Variants in PIAS1 observed in about 807,000 individuals in gnomAD.
The protein encoded by PIAS1 is protein inhibitor of activated STAT 1.
In PIAS1, 6 loss-of-function variants were observed where a neutral mutation model predicts 71.3. The observed-to-expected ratio is 0.08, with a 90% CI of 0.05 to 0.17. The LOEUF (loss-of-function observed/expected upper bound fraction) is 0.17, where lower values mean the gene tolerates loss of function less well. Ranked by LOEUF, PIAS1 falls within the 10% of genes least tolerant of loss-of-function variation. The pLI, the probability that PIAS1 is intolerant of heterozygous loss-of-function variation, is 1.00. For missense variants in PIAS1, 555 were observed against 793.6 expected, an observed-to-expected ratio of 0.70 and a Z score of 3.61; for synonymous variants, 303 against 292.9, an observed-to-expected ratio of 1.03 and a Z score of -0.35.
At chr15:68,168,942 T>C (rs2092973632) in intron 8 of PIAS1, among the ~76,000 whole-genome samples, 2 of 152,190 alleles carry the variant, frequency 1.3e-5, no homozygotes, top group South Asian at 4.1e-4. Flanking sequence ...GGTAAAGGTA[T>C]GTGAGATGAA....
chr15:68,092,600 A>T (rs764666372), intron 2 of PIAS1, among the ~76,000 whole-genome samples: 3 of 152,166 alleles, frequency 2.0e-5, no homozygotes, highest in Non-Finnish European at 4.4e-5. Context: ...CTAATTCCCA[A>T]TGCAATAGTG....
At chr15:68,085,145 C>G (rs1277927951) in intron 1 of PIAS1, among the ~76,000 whole-genome samples, 1 of 152,092 alleles carries the variant, frequency 6.6e-6, no homozygotes, top group Non-Finnish European at 1.5e-5. Context: ...ATAAGCATAG[C>G]TTTTGTGTAT....
intron 6 of PIAS1, among the ~76,000 whole-genome samples, chr15:68,151,632 C>T (rs1188321825): frequency 6.6e-6 from 1 of 150,692 alleles, no homozygotes; most frequent in Non-Finnish European, 1.5e-5. Flanking sequence ...CCAGCCTAGC[C>T]AACATGGTGA....
intron 1 of PIAS1, among the ~76,000 whole-genome samples, chr15:68,060,567 C>A (rs577205712): frequency 2.6e-5 from 4 of 151,880 alleles, no homozygotes; most frequent in Admixed American, 2.0e-4. Flanking sequence ...GAGCTGAGAC[C>A]GTGCCACTGT....
Position 68,054,437 on chromosome 15 carries a change from G to A in PIAS1, c.24+87G>A, listed in dbSNP as rs1476723525. The A allele has an allele frequency of 3.6e-6, 5 of 1,384,948 alleles. No homozygotes were observed. The East Asian group carries it at 1.3e-4, about 35-fold the overall frequency. 85.8% of individuals were successfully genotyped at this position (1,384,948 alleles called of 1,614,324 possible). A position where few individuals can be genotyped will look rare whatever the true frequency, so the allele number is the denominator to read the frequency against. On this transcript the variant is annotated intron_variant, in intron 1 of 13. Transcript: ENST00000249636. This position sits in a 1 kb window ranked among gnomAD's most constrained non-coding sequence, Gnocchi z 4.6. ...GGGGGGATGGGTCCGACCCTGGGGG[G>A]CCTCTCGGGCCTGACTCCACCCGGG...
rs185533656 is a variant in PIAS1, at chr15:68,108,890, A to G, written c.469+22140A>G. Among the ~76,000 whole-genome samples the G allele has an allele frequency of 3.3e-5, 5 of 152,230 alleles. No homozygotes were observed. The East Asian group carries it at 9.6e-4, about 29-fold the overall frequency. On this transcript the variant is annotated intron_variant, in intron 2 of 13. Transcript: ENST00000249636. ...TGCTACTATGCTTATCTGAGCCACC[A>G]TTATCTCTCACCTGGATTATTATGT...
At chr15:68,059,812 C>T (rs1421045954) in intron 1 of PIAS1, among the ~76,000 whole-genome samples, 2 of 151,940 alleles carry the variant, frequency 1.3e-5, no homozygotes, top group African/African-American at 4.8e-5. Flanking sequence ...AATTCCTGGC[C>T]TCAAACAGTG....
intron 2 of PIAS1, among the ~76,000 whole-genome samples, chr15:68,113,211 A>G (rs1256377506): frequency 2.0e-5 from 3 of 152,302 alleles, no homozygotes; most frequent in Admixed American, 6.5e-5. Context: ...GTGCACATAC[A>G]TAGGTACATA....
At chr15:68,089,081 C>A (rs561508020) in intron 2 of PIAS1, among the ~76,000 whole-genome samples, 36 of 152,212 alleles carry the variant, frequency 2.4e-4, no homozygotes, top group Non-Finnish European at 4.0e-4. Flanking sequence ...TCCATTGTGG[C>A]CTTAAGCACT....
rs1466429444 is a variant in PIAS1 at position 68,086,437 on chromosome 15, T to C, written c.156T>C (p.Ala52=). ...LHLLKAGCSP[A]VQMKIKELYR... ...TGCTAAAGGCTGGCTGTAGTCCTGC[T>C]GTGCAAATGAAAATTAAGGAACTCT... The change falls in exon 2 of 14, where the codon GCT becomes GCC. Residue 52 remains alanine, a synonymous_variant. Coordinates refer to ENST00000249636, the MANE Select transcript of PIAS1 (RefSeq NM_016166.3). The surrounding 1 kb of genome is among the most constrained non-coding windows in gnomAD (Gnocchi z 7.2). 1 of 1,613,982 alleles carries C rather than the reference T, an allele frequency of 6.2e-7. No homozygotes were observed. The highest frequency in any genetic ancestry group is 8.5e-7 in the Non-Finnish European group (1 of 1,179,878).
chr15:68,150,984 CAG>C (rs1253363579), intron 6 of PIAS1, among the ~76,000 whole-genome samples: 1 of 151,950 alleles, frequency 6.6e-6, no homozygotes, highest in Admixed American at 6.6e-5. Context: ...ATTTCAATTA[CAG>C]AGAAATTATC....
chr15:68,145,568 A>T (rs2092802461), intron 4 of PIAS1, among the ~76,000 whole-genome samples: 1 of 152,204 alleles, frequency 6.6e-6, no homozygotes. Flanking sequence ...ATGCTTAACC[A>T]AATAATTGGC....
chr15:68,119,935 CT>C (rs2092599517), intron 2 of PIAS1, among the ~76,000 whole-genome samples: 1 of 152,158 alleles, frequency 6.6e-6, no homozygotes, highest in Non-Finnish European at 1.5e-5. Context: ...CTGAAATCTA[CT>C]TTCTCTGACA....
intron 2 of PIAS1, among the ~76,000 whole-genome samples, chr15:68,121,241 T>C (rs1036282829): frequency 6.7e-6 from 1 of 150,256 alleles, no homozygotes; most frequent in Non-Finnish European, 1.5e-5. Context: ...GAGTAAAGTG[T>C]TAACAGTTGA....
intron 2 of PIAS1, among the ~76,000 whole-genome samples, chr15:68,138,897 G>A (rs1245864646): frequency 6.6e-6 from 1 of 152,054 alleles, no homozygotes; most frequent in African/African-American, 2.4e-5. Flanking sequence ...GAAAGGGAGG[G>A]GCATATTAAG....
chr15:68,191,214 A>G lies in PIAS1; in HGVS notation c.*3379A>G, dbSNP rs551946248. 1 of 152,660 alleles carries G rather than the reference A, an allele frequency of 6.6e-6. No individual in the cohort carries two copies. Among genetic ancestry groups the G allele is most frequent in the African/African-American group, 2.4e-5 (1 of 41,472 alleles). 9.5% of individuals were successfully genotyped at this position (152,660 alleles called of 1,614,324 possible). On this transcript the variant is annotated 3_prime_UTR_variant, in exon 14 of 14. Transcript: ENST00000249636. ...AAGGGGAAAATGTACATAAACAGATAAAGTTACCATAAATTCCATGAACTT... is the reference window on the plus strand; with the variant it reads ...AAGGGGAAAATGTACATAAACAGATGAAGTTACCATAAATTCCATGAACTT...
chr15:68,076,596 T>A (rs1215481151), intron 1 of PIAS1, among the ~76,000 whole-genome samples: 1 of 152,210 alleles, frequency 6.6e-6, no homozygotes, highest in Non-Finnish European at 1.5e-5. Flanking sequence ...TTTGTAGCCT[T>A]AAATTTTATT....
At chr15:68,147,837 A>G (rs1051080806) in intron 6 of PIAS1, among the ~76,000 whole-genome samples, 1 of 152,154 alleles carries the variant, frequency 6.6e-6, no homozygotes, top group African/African-American at 2.4e-5. Context: ...CCATTGTTAT[A>G]TATTTAACTT....
intron 2 of PIAS1, among the ~76,000 whole-genome samples, chr15:68,115,455 G>A (rs2092557958): frequency 6.6e-6 from 1 of 152,040 alleles, no homozygotes. Context: ...GAAGCGTTTT[G>A]TAGATTCTAT....
Sources: gnomAD v4.1 joint callset for allele counts (sites outside exome capture counted in the v4.1 genomes callset) on GRCh38, gnomAD v4.1.1 for gene constraint, Gnocchi (gnomAD v3.1) non-coding constraint, MANE v1.5 for transcripts, NCBI Gene and HGNC (gene_info 2026-07-23, HGNC 2026-07-21) for gene names.